The following PPP1R12C variants were observed in gnomAD, a reference collection of about 807,000 sequenced individuals.
The protein encoded by PPP1R12C is leukocyte receptor cluster (LRC) encoded novel gene 3.
A neutral mutation model predicts 95.6 loss-of-function variants in PPP1R12C; 48 were observed. The ratio of observed to expected loss-of-function variants is 0.50; its 90% confidence interval spans 0.40 to 0.64. The LOEUF is 0.64. PPP1R12C is among the 30% of genes least tolerant of loss of function. The probability of loss-of-function intolerance (pLI) is 0.00; values close to 1 mark genes in which losing one functional copy is unlikely to be tolerated. For synonymous variants in PPP1R12C, 480 were observed against 460.8 expected (o/e 1.04, Z -0.53); for missense variants, 1,057 against 1,083.3 (o/e 0.98, Z 0.34).
At position 55,099,053 on chromosome 19, in the gene PPP1R12C, C is replaced by T; in HGVS notation, c.774G>A (p.Gly258=). The T allele has an allele frequency of 1.9e-6, 3 of 1,552,964 alleles. No homozygotes were observed. The highest frequency in any genetic ancestry group is 2.6e-6 in the Non-Finnish European group (3 of 1,148,162). Residue 258 remains glycine (G), a synonymous_variant, in exon 5 of 22, where the codon GGG becomes GGA. Transcript: ENST00000263433. Reference sequence around the variant, plus strand: ...CTGCGTGCAGGGGAGTCCAGCCGTCCCCGTCCCGGAGCTCTGGGTCGTAGC... The same window carrying T: ...CTGCGTGCAGGGGAGTCCAGCCGTCTCCGTCCCGGAGCTCTGGGTCGTAGC... ...QAGYDPELRD[G]DGWTPLHAAA...
intron 4 of PPP1R12C, among the ~76,000 whole-genome samples, chr19:55,102,540 C>T (rs1042868726): frequency 6.6e-6 from 1 of 152,160 alleles, no homozygotes; most frequent in Non-Finnish European, 1.5e-5. Flanking sequence ...ACTATATATG[C>T]ACCAAATAAT....
At position 55,095,492 on chromosome 19, in the gene PPP1R12C, G is replaced by A. The variant is rs2084900467; in HGVS notation, c.1339C>T (p.Leu447=). The change falls in exon 10 of 22, where the codon CTG becomes TTG. Residue 447 remains leucine, a synonymous_variant. Transcript: ENST00000263433. ...CAGGAGGAGGAAGCCGAGCGCTGCA[G>A]CCCAGCCCCAGGGGCTCCCTCCGCT... The part of the protein sequence containing the change: ...RTAEGAPGAG[L]QRSASSSWLE... 6.4e-7 allele frequency: 1 copy of A among 1,569,324 alleles called. No homozygotes were observed. Among genetic ancestry groups the A allele is most frequent in the Non-Finnish European group, 8.6e-7 (1 of 1,157,292 alleles).
In PPP1R12C at chr19:55,095,436, C is replaced by G; in HGVS notation, c.1386+9G>C. 1.9e-6 allele frequency: 3 copies of G among 1,560,874 alleles called. 1 individual carries two copies. In the Admixed American group the frequency reaches 5.8e-5, roughly 30 times the overall value. On this transcript the variant is annotated intron_variant, in intron 10 of 21. Transcript: ENST00000263433. The stretch of plus-strand genomic sequence containing the variant: ...GCCTGGGCCTGGACCCGGCCCAACC[C>G]TCACTCACCTGAGTGGAGGTCCCTT...
intron 19 of PPP1R12C, 55 bp from the exon 20 acceptor site, chr19:55,091,964 A>G (rs1449403935): frequency 1.2e-6 from 2 of 1,601,150 alleles, no homozygotes; most frequent in African/African-American, 2.7e-5. Context: ...CACTGCTCTG[A>G]AGGGTCCTAG....
intron 19 of PPP1R12C, 128 bp downstream of exon 19, chr19:55,092,094 C>T: frequency 9.1e-7 from 1 of 1,102,264 alleles, no homozygotes; most frequent in Non-Finnish European, 1.3e-6. Flanking sequence ...CCTCCGAGAT[C>T]TCGGCCCCGC....
rs763353251 is a variant in PPP1R12C, at chr19:55,094,691, G to A, written c.1562C>T (p.Ala521Val). 4 of 1,606,252 alleles carry A rather than the reference G, an allele frequency of 2.5e-6. No homozygotes were observed. The highest frequency in any genetic ancestry group is 3.4e-5 in the Admixed American group (2 of 59,082). Residue 521 changes from alanine to valine, a missense_variant, in exon 12 of 22, where the codon GCG becomes GTG. This residue lies in a region of PPP1R12C where 356 missense variants were observed against 330.5 expected (regional missense o/e 1.08). Coordinates refer to ENST00000263433, the MANE Select transcript of PPP1R12C (RefSeq NM_017607.4). The stretch of plus-strand genomic sequence containing the variant: ...TCGGTCCCGGGAGTCCGCTGGGGGC[G>A]CCGTGGAGGCTGTGGGGACGTTTGG... Reference protein sequence around the residue: ...AKPNVPTASTAPPADSRDRRR... With the variant: ...AKPNVPTASTVPPADSRDRRR...
intron 3 of PPP1R12C, among the ~76,000 whole-genome samples, chr19:55,105,320 A>G (rs1330385743): frequency 6.6e-6 from 1 of 152,062 alleles, no homozygotes; most frequent in Admixed American, 6.6e-5. Flanking sequence ...TTTTTATTCA[A>G]CCACAGTCAG....
chr19:55,099,901 TGAGA>T (rs1407503232), intron 4 of PPP1R12C, among the ~76,000 whole-genome samples: 1 of 152,212 alleles, frequency 6.6e-6, no homozygotes, highest in Non-Finnish European at 1.5e-5. Flanking sequence ...TCTGTGTCAA[TGAGA>T]AAGAGCTTCA....
intron 18 of PPP1R12C, 29 bp downstream of exon 18, chr19:55,092,413 A>C: frequency 6.3e-7 from 1 of 1,584,656 alleles, no homozygotes; most frequent in South Asian, 1.1e-5. Flanking sequence ...CCCAGCAGGC[A>C]AAGCCCCGAC....
chr19:55,111,794 G>C (rs541548740), intron 3 of PPP1R12C: 2 of 152,162 alleles, frequency 1.3e-5, no homozygotes, highest in Admixed American at 1.3e-4. Context: ...CCCATGAAGC[G>C]GCACCAGTGG....
At chr19:55,100,349 A>G (rs1602987614) in intron 4 of PPP1R12C, among the ~76,000 whole-genome samples, 1 of 152,064 alleles carries the variant, frequency 6.6e-6, no homozygotes, top group South Asian at 2.1e-4. Flanking sequence ...GATGCTCCCA[A>G]CATCCCATAG....
intron 1 of PPP1R12C, among the ~76,000 whole-genome samples, chr19:55,115,872 T>C (rs1003377883): frequency 6.6e-6 from 1 of 152,132 alleles, no homozygotes; most frequent in Non-Finnish European, 1.5e-5. Context: ...ACAGGATCCC[T>C]GGAGGCAGCA....
rs1031085009 is a variant in PPP1R12C at position 55,117,561 on chromosome 19, C to CAGCG, written c.-22_-19dup. 25 of 995,224 alleles carry CAGCG rather than the reference C, an allele frequency of 2.5e-5. No homozygotes were observed. The South Asian group carries it at 7.2e-4, about 29-fold the overall frequency. 61.6% of individuals were successfully genotyped at this position (995,224 alleles called of 1,614,324 possible). A position where few individuals can be genotyped will look rare whatever the true frequency, so the allele number is the denominator to read the frequency against. On this transcript the variant is annotated 5_prime_UTR_variant, in exon 1 of 22. Coordinates refer to ENST00000263433, the MANE Select transcript of PPP1R12C (RefSeq NM_017607.4). ...CCGGACATCGCACCGCCCGCCCGCCCAGCGAGCGAGCGAGCGCCGAGCCCC... is the reference window on the plus strand; with the variant it reads ...CCGGACATCGCACCGCCCGCCCGCCCAGCGAGCGAGCGAGCGAGCGCCGAGCCCC...
At chr19:55,097,800 G>A (rs1418696979) in intron 6 of PPP1R12C, among the ~76,000 whole-genome samples, 1 of 152,162 alleles carries the variant, frequency 6.6e-6, no homozygotes, top group African/African-American at 2.4e-5. Flanking sequence ...GATGCTCCCA[G>A]GCTGGTCTCC....
chr19:55,116,011 G>GT (rs964399580), intron 1 of PPP1R12C, among the ~76,000 whole-genome samples: 5 of 152,164 alleles, frequency 3.3e-5, no homozygotes, highest in African/African-American at 1.2e-4. Context: ...GGTAAGGGGG[G>GT]TAGGGGAGCT....
chr19:55,112,433 T>TC, intron 3 of PPP1R12C, 34 bp downstream of exon 3: 1 of 1,567,764 alleles, frequency 6.4e-7, no homozygotes, highest in Non-Finnish European at 8.7e-7. Context: ...TGAGGAGGTG[T>TC]CCCCCACCCC....
Position 55,096,280 on chromosome 19 carries a change from G to A in PPP1R12C, c.1007C>T (p.Ser336Phe), listed in dbSNP as rs1385123728. 2 of 1,613,800 alleles carry A rather than the reference G, an allele frequency of 1.2e-6. No individual in the cohort carries two copies. Among genetic ancestry groups the A allele is most frequent in the African/African-American group, 2.7e-5 (2 of 74,910 alleles). ...CCTATACCTTCTGTGTTTGCTGCTA[G>A]AGGGCGCTTGGGGCTCCTGGCCCCG... The part of the protein sequence containing the change: ...QSRGQEPQAP[S>F]SSKHRRSSVC... Residue 336 changes from serine (S) to phenylalanine (F), a missense_variant, in exon 7 of 22, where the codon TCT becomes TTT. Coordinates refer to ENST00000263433, the MANE Select transcript of PPP1R12C (RefSeq NM_017607.4).
intron 5 of PPP1R12C, 31 bp downstream of exon 5, chr19:55,098,920 G>A (rs2084951801): frequency 6.2e-7 from 1 of 1,604,364 alleles, no homozygotes; most frequent in Non-Finnish European, 8.5e-7. Flanking sequence ...CCCACGCCCT[G>A]CCCCTCACCA....
rs1166541704 is a variant in PPP1R12C at position 55,091,130 on chromosome 19, G to A, written c.*342C>T. ...CCTGCTCAGGAGGGGAGGGGTGACG[G>A]GGTGGCATCACACGTGAGATGGGGA... On this transcript the variant is annotated 3_prime_UTR_variant, in exon 22 of 22. Transcript: ENST00000263433. 8 of 351,910 alleles carry A rather than the reference G, an allele frequency of 2.3e-5. No individual in the cohort carries two copies. The allele number at this position is 351,910 out of a possible 1,614,324, so 21.8% of individuals were successfully genotyped here. A position where few individuals can be genotyped will look rare whatever the true frequency, so the allele number is the denominator to read the frequency against.
Sources: allele counts gnomAD v4.1 joint callset (sites outside exome capture counted in the v4.1 genomes callset), GRCh38; gene constraint gnomAD v4.1.1; regional missense constraint gnomAD v4.1.1; transcripts MANE v1.5; gene names NCBI Gene and HGNC (gene_info 2026-07-23, HGNC 2026-07-21).